The following PISD variants were observed in gnomAD, a reference collection of about 807,000 sequenced individuals.
PISD encodes the protein phosphatidylserine decarboxylase proenzyme, mitochondrial.
PISD carries 31 observed loss-of-function variants against 43.5 expected under a neutral mutation model. That is an observed-to-expected ratio of 0.71 (90% CI 0.54 to 0.96). The LOEUF (loss-of-function observed/expected upper bound fraction) is 0.96, where lower values mean the gene tolerates loss of function less well. PISD is among the 40% of genes least tolerant of loss of function. The probability of loss-of-function intolerance (pLI) is 0.00; values close to 1 mark genes in which losing one functional copy is unlikely to be tolerated. For synonymous variants in PISD, 259 were observed against 228.7 expected (o/e 1.13, Z -1.20); for missense variants, 523 against 548.4 (o/e 0.95, Z 0.46).
chr22:31,662,469 C>G, upstream of PISD: 1 of 525,248 alleles, frequency 1.9e-6, no homozygotes, highest in Non-Finnish European at 3.4e-6. Flanking sequence ...GGGTGCCTTT[C>G]CTCATGTACC....
chr22:31,642,722 G>A (rs1295371186), intron 3 of PISD, among the ~76,000 whole-genome samples: 1 of 149,578 alleles, frequency 6.7e-6, no homozygotes, highest in Non-Finnish European at 1.5e-5. Flanking sequence ...TTGAACCCGG[G>A]AGGCAGAGGT....
chr22:31,645,409 T>A (rs923906793), intron 3 of PISD, among the ~76,000 whole-genome samples: 33 of 151,548 alleles, frequency 2.2e-4, no homozygotes, highest in Non-Finnish European at 4.1e-4. Flanking sequence ...CTGCCTCAAA[T>A]AAATAAATAA....
At chr22:31,625,826 A>G (rs1221618886) in intron 3 of PISD, 4 of 1,597,466 alleles carry the variant, frequency 2.5e-6, no homozygotes, top group African/African-American at 1.3e-5. Flanking sequence ...GGGCCGGCGC[A>G]GGGAGGGCGG....
rs200442774 is a variant in PISD at position 31,620,978 on chromosome 22, C to G, written c.844+18G>C. 1.2e-5 allele frequency: 19 copies of G among 1,600,284 alleles called. No individual in the cohort carries two copies. The highest frequency in any genetic ancestry group is 1.5e-5 in the Non-Finnish European group (18 of 1,174,570). On this transcript the variant is annotated intron_variant, in intron 6 of 7. Coordinates refer to ENST00000439502, the MANE Select transcript of PISD (RefSeq NM_001326411.2). ...AAGCCCACAGAGGCAGCTCCCCCCA[C>G]GCTGGCCCCGGGCTGACCTGGGAAG...
rs769735865 is a variant in PISD, at chr22:31,621,034, G to A, written c.806C>T (p.Pro269Leu). The change falls in exon 6 of 8, where the codon CCC (proline) becomes CTC (leucine). Residue 269 changes from proline to leucine, a missense_variant. By Grantham distance (98) the Pro-to-Leu change is moderately conservative (BLOSUM62 -3). Coordinates refer to ENST00000439502, the MANE Select transcript of PISD (RefSeq NM_001326411.2). ...APGDYHCFHSPTDWTVSHRRH... is the reference protein window; with the variant it reads ...APGDYHCFHSLTDWTVSHRRH... ...CCGGTGGGACACAGTCCAGTCGGTG[G>A]GGGAGTGGAAGCAGTGGTAGTCCCC... is the stretch of plus-strand genomic sequence containing the variant. 10 of 1,613,950 alleles carry A rather than the reference G, an allele frequency of 6.2e-6. No individual in the cohort carries two copies. Among genetic ancestry groups the A allele is most frequent in the Non-Finnish European group, 8.5e-6 (10 of 1,179,880 alleles).
intron 1 of PISD, among the ~76,000 whole-genome samples, chr22:31,659,711 C>T (rs1198051471): frequency 6.6e-6 from 1 of 151,992 alleles, no homozygotes; most frequent in Admixed American, 6.6e-5. Flanking sequence ...CCTGCCTCAA[C>T]CTCCTGAGTA....
intron 3 of PISD, among the ~76,000 whole-genome samples, chr22:31,640,880 G>GTTGTTTTTT (rs1487978537): frequency 1.6e-4 from 4 of 24,602 alleles, no homozygotes; most frequent in East Asian, 1.5e-3. Context: ...CACACCCGGT[G>GTTGTTTTTT]TTTTTTTTTT....
rs901170573 is a variant in PISD, at chr22:31,618,735, G to T, written c.*877C>A. 1 of 252,476 alleles carries T rather than the reference G, an allele frequency of 4.0e-6. No homozygotes were observed. The highest frequency in any genetic ancestry group is 7.7e-5 in the East Asian group (1 of 12,954). The allele number at this position is 252,476 out of a possible 1,614,324, so 15.6% of individuals were successfully genotyped here. A position where few individuals can be genotyped will look rare whatever the true frequency, so the allele number is the denominator to read the frequency against. On this transcript the variant is annotated 3_prime_UTR_variant, in exon 8 of 8. Transcript: ENST00000439502. ...AACTGGGACAGGTTTTCCAGGCACTGACCAACTATCCACCAAGGGTCCTCT... is the reference window on the plus strand; with the variant it reads ...AACTGGGACAGGTTTTCCAGGCACTTACCAACTATCCACCAAGGGTCCTCT...
At chr22:31,656,882 C>G (rs771712147) in intron 1 of PISD, among the ~76,000 whole-genome samples, 56 of 152,116 alleles carry the variant, frequency 3.7e-4, no homozygotes, top group Admixed American at 7.2e-4. Flanking sequence ...ATTTAGTTCT[C>G]TGCTCAAATG....
At chr22:31,646,119 C>T (rs1405091097) in intron 3 of PISD, among the ~76,000 whole-genome samples, 1 of 151,790 alleles carries the variant, frequency 6.6e-6, no homozygotes, top group Middle Eastern at 3.2e-3. Context: ...CAGGAGTGGC[C>T]GGTACAGTGG....
chr22:31,658,967 C>CCT (rs1373672728), intron 1 of PISD, among the ~76,000 whole-genome samples: 1 of 151,812 alleles, frequency 6.6e-6, no homozygotes, highest in Non-Finnish European at 1.5e-5. Context: ...AATCCTCCTA[C>CCT]CTCAGCCTCC....
intron 3 of PISD, among the ~76,000 whole-genome samples, chr22:31,641,378 C>G (rs2073721221): frequency 6.6e-6 from 1 of 152,068 alleles, no homozygotes; most frequent in African/African-American, 2.4e-5. Flanking sequence ...ACCACGACAG[C>G]TGATACGGTA....
At chr22:31,628,061 CA>C in intron 3 of PISD, 1 of 985,492 alleles carries the variant, frequency 1.0e-6, no homozygotes, top group South Asian at 4.7e-5. Flanking sequence ...TTGTCTTTAT[CA>C]CTGTTCTGCC....
intron 2 of PISD, 129 bp downstream of exon 2, chr22:31,650,570 A>T (rs1569492094): frequency 1.9e-6 from 1 of 538,276 alleles, no homozygotes. Flanking sequence ...CTTCAGTGAT[A>T]ACTGCATGCC....
At chr22:31,624,654 G>GACAGACAC (rs57935428) in intron 3 of PISD, among the ~76,000 whole-genome samples, 53 of 132,736 alleles carry the variant, frequency 4.0e-4, no homozygotes, top group African/African-American at 1.3e-3. Context: ...TGCACAGACA[G>GACAGACAC]ACACACACAC....
intron 3 of PISD, chr22:31,625,583 G>A: frequency 1.4e-6 from 1 of 697,498 alleles, no homozygotes; most frequent in East Asian, 2.7e-5. Context: ...AAAGATACCT[G>A]AAGCGGGCTC....
At chr22:31,625,448 G>A (rs2072850936) in intron 3 of PISD, 1 of 497,316 alleles carries the variant, frequency 2.0e-6, no homozygotes, top group Non-Finnish European at 3.6e-6. Context: ...TAGGTGGGGT[G>A]CAGAGGCAAG....
chr22:31,623,986 G>A, intron 3 of PISD: 2 of 741,820 alleles, frequency 2.7e-6, no homozygotes, highest in Non-Finnish European at 4.3e-6. Context: ...TGGGGGTGAT[G>A]GAGCCCAGCA....
chr22:31,625,447 T>C (rs948767237), intron 3 of PISD: 6 of 493,920 alleles, frequency 1.2e-5, no homozygotes, highest in African/African-American at 1.9e-5. Context: ...CTAGGTGGGG[T>C]GCAGAGGCAA....
Sources: allele counts gnomAD v4.1 joint callset (sites outside exome capture counted in the v4.1 genomes callset), GRCh38; gene constraint gnomAD v4.1.1; transcripts MANE v1.5; gene names NCBI Gene and HGNC (gene_info 2026-07-23, HGNC 2026-07-21).